Variants in CYP7B1 observed in about 807,000 individuals in gnomAD.
CYP7B1 encodes the protein cytochrome P450 7B1.
CYP7B1 carries 29 observed loss-of-function variants against 42.7 expected under a neutral mutation model. The observed-to-expected ratio is 0.68, with a 90% confidence interval of 0.51 to 0.93. The LOEUF (loss-of-function observed/expected upper bound fraction) is 0.93. CYP7B1 is among the 40% of genes least tolerant of loss of function. The pLI, the probability that CYP7B1 is intolerant of heterozygous loss-of-function variation, is 0.00. For missense variants in CYP7B1, 655 were observed against 600.5 expected (o/e 1.09, Z -0.95); for synonymous variants, 235 against 218.2 (o/e 1.08, Z -0.68).
At chr8:64,773,459 T>C (rs953729365) in intron 1 of CYP7B1, among the ~76,000 whole-genome samples, 5 of 152,224 alleles carry the variant, frequency 3.3e-5, no homozygotes, top group African/African-American at 1.2e-4. Context: ...GTCACACGCC[T>C]ACTCTTCAGC....
intron 1 of CYP7B1, among the ~76,000 whole-genome samples, chr8:64,650,572 C>G (rs1563377322): frequency 1.3e-5 from 2 of 152,134 alleles, no homozygotes; most frequent in African/African-American, 2.4e-5. Flanking sequence ...CACTTGAACC[C>G]AGGAGGCAGA....
At chr8:64,653,064 G>C (rs1269383709) in intron 1 of CYP7B1, among the ~76,000 whole-genome samples, 2 of 151,990 alleles carry the variant, frequency 1.3e-5, no homozygotes, top group Non-Finnish European at 2.9e-5. Flanking sequence ...TCTCAAATCA[G>C]CAACCTAACA....
At chr8:64,778,273 A>G (rs2129665431) in intron 1 of CYP7B1, among the ~76,000 whole-genome samples, 1 of 151,202 alleles carries the variant, frequency 6.6e-6, no homozygotes, top group African/African-American at 2.4e-5. Flanking sequence ...ATATACACAC[A>G]TATACATGCA....
intron 1 of CYP7B1, among the ~76,000 whole-genome samples, chr8:64,667,385 C>T (rs1554529769): frequency 6.6e-6 from 1 of 152,088 alleles, no homozygotes; most frequent in Non-Finnish European, 1.5e-5. Context: ...TGCAGAGGGC[C>T]AGGCCAGCAC....
chr8:64,649,021 T>C (rs753197497), intron 1 of CYP7B1, among the ~76,000 whole-genome samples: 10 of 152,210 alleles, frequency 6.6e-5, no homozygotes, highest in Admixed American at 1.3e-4. Flanking sequence ...ATCTCAACCA[T>C]TTTAAGTGTA....
intron 2 of CYP7B1, among the ~76,000 whole-genome samples, chr8:64,622,919 G>C (rs138755354): frequency 2.0e-5 from 3 of 152,182 alleles, no homozygotes; most frequent in Non-Finnish European, 4.4e-5. Context: ...AGGAAGGAGA[G>C]TGAACTGTGT....
At chr8:64,626,305 T>C (rs1182246234) in intron 1 of CYP7B1, among the ~76,000 whole-genome samples, 2 of 152,056 alleles carry the variant, frequency 1.3e-5, no homozygotes, top group Non-Finnish European at 2.9e-5. Flanking sequence ...CTGACAGACA[T>C]TGTGTGTGTG....
intron 1 of CYP7B1, among the ~76,000 whole-genome samples, chr8:64,684,070 G>C (rs1021501300): frequency 6.6e-6 from 1 of 152,216 alleles, no homozygotes; most frequent in Non-Finnish European, 1.5e-5. Flanking sequence ...TCTGCTTACA[G>C]GGTATGATCT....
intron 1 of CYP7B1, among the ~76,000 whole-genome samples, chr8:64,696,611 C>T (rs1443696051): frequency 6.6e-6 from 1 of 152,138 alleles, no homozygotes; most frequent in Non-Finnish European, 1.5e-5. Flanking sequence ...ATATGTATGG[C>T]TAAGGAGACA....
Position 64,711,741 on chromosome 8 carries a change from A to G in CYP7B1, c.122+86725T>C, listed in dbSNP as rs184648064. On this transcript the variant is annotated intron_variant, in intron 1 of 5. Coordinates refer to ENST00000310193, the MANE Select transcript of CYP7B1 (RefSeq NM_004820.5). ...TAATACGCCTTCCTTCTATAAAACA[A>G]TATAGAAATTGAAATGAATTTTCCA... is the stretch of plus-strand genomic sequence containing the variant. 1.6e-4 allele frequency among the ~76,000 whole-genome samples: 24 copies of G among 152,326 alleles called. No individual in the cohort carries two copies. In the East Asian group the frequency reaches 4.2e-3, roughly 27 times the overall value.
intron 1 of CYP7B1, among the ~76,000 whole-genome samples, chr8:64,761,332 A>G (rs1318654727): frequency 2.0e-5 from 3 of 152,154 alleles, no homozygotes; most frequent in African/African-American, 7.2e-5. Flanking sequence ...ACTAGATCTT[A>G]AATGCTCTCA....
rs1805807362 is a variant in CYP7B1 at position 64,638,535 on chromosome 8, G to C, written c.123-13996C>G. 2.6e-5 allele frequency among the ~76,000 whole-genome samples: 4 copies of C among 152,030 alleles called. No individual in the cohort carries two copies. In the South Asian group the frequency reaches 8.3e-4, roughly 32 times the overall value. The stretch of plus-strand genomic sequence containing the variant: ...GAAGTCATTTGGAGTAACATTTGTA[G>C]GTAGAATATTTTTGAGTTTATTTCC... On this transcript the variant is annotated intron_variant, in intron 1 of 5. Transcript: ENST00000310193.
intron 1 of CYP7B1, among the ~76,000 whole-genome samples, chr8:64,698,953 A>G (rs1806873026): frequency 6.6e-6 from 1 of 152,190 alleles, no homozygotes; most frequent in South Asian, 2.1e-4. Context: ...ACTTGTAAAT[A>G]AGCCAGATGC....
intron 5 of CYP7B1, among the ~76,000 whole-genome samples, chr8:64,603,900 A>G (rs1042311351): frequency 2.0e-5 from 3 of 152,254 alleles, no homozygotes; most frequent in Admixed American, 6.5e-5. Flanking sequence ...ACTGCTAAAA[A>G]AGAGCAGCAA....
intron 1 of CYP7B1, among the ~76,000 whole-genome samples, chr8:64,689,996 T>C (rs1052103966): frequency 5.3e-5 from 8 of 152,226 alleles, no homozygotes; most frequent in Non-Finnish European, 1.2e-4. Context: ...TGTAATACTC[T>C]TTTCCTAATT....
At chr8:64,740,202 G>C (rs1393580870) in intron 1 of CYP7B1, among the ~76,000 whole-genome samples, 1 of 152,032 alleles carries the variant, frequency 6.6e-6, no homozygotes, top group Non-Finnish European at 1.5e-5. Flanking sequence ...ACAAATTTAA[G>C]AGATTATACA....
chr8:64,641,588 G>C (rs1805856383), intron 1 of CYP7B1, among the ~76,000 whole-genome samples: 1 of 152,138 alleles, frequency 6.6e-6, no homozygotes, highest in African/African-American at 2.4e-5. Context: ...TGAAAACAAG[G>C]AATATGATAA....
chr8:64,622,924 C>G (rs1805552945), intron 2 of CYP7B1, among the ~76,000 whole-genome samples: 3 of 152,082 alleles, frequency 2.0e-5, no homozygotes, highest in Admixed American at 2.0e-4. Context: ...GGAGAGTGAA[C>G]TGTGTTACCA....
In CYP7B1 at chr8:64,595,922, T is replaced by A. The variant is rs1805110059; in HGVS notation, c.*720A>T. On this transcript the variant is annotated 3_prime_UTR_variant, in exon 6 of 6. Transcript: ENST00000310193. ...ACCTAATACTAATGTCTAGGGCAAT[T>A]TCTGAATATATAATAGGTTCTGTGT... Among the ~76,000 whole-genome samples, 1 of 152,204 alleles carries A rather than the reference T, an allele frequency of 6.6e-6. No individual in the cohort carries two copies. Among genetic ancestry groups the A allele is most frequent in the African/African-American group, 2.4e-5 (1 of 41,462 alleles).
Sources: gnomAD v4.1 joint callset for allele counts (sites outside exome capture counted in the v4.1 genomes callset) on GRCh38, gnomAD v4.1.1 for gene constraint, MANE v1.5 for transcripts, NCBI Gene and HGNC (gene_info 2026-07-23, HGNC 2026-07-21) for gene names.